RBFOX1: variants seen among roughly 807,000 people sequenced by gnomAD.
The protein encoded by RBFOX1 is RNA binding fox-1 homolog 1.
RBFOX1 carries 8 observed loss-of-function variants against 57.7 expected under a neutral mutation model. That is an observed-to-expected ratio of 0.14 (90% CI 0.08 to 0.25). The LOEUF (loss-of-function observed/expected upper bound fraction) is 0.25, where lower values mean the gene tolerates loss of function less well. Among genes scored for constraint, RBFOX1 ranks in the 10% least tolerant of loss-of-function variants. RBFOX1 has a pLI of 1.00. For missense variants in RBFOX1, 611 were observed against 548.5 expected (o/e 1.11, Z -1.14); for synonymous variants, 326 against 222.4 (o/e 1.47, Z -4.15).
At chr16:7,332,469 G>T (rs1020546530) in intron 4 of RBFOX1, among the ~76,000 whole-genome samples, 3 of 152,136 alleles carry the variant, frequency 2.0e-5, no homozygotes, top group African/African-American at 7.2e-5. Context: ...TTCTATCAGT[G>T]CCAAACGTTG....
At chr16:6,657,324 G>A (rs1286260892) in intron 3 of RBFOX1, among the ~76,000 whole-genome samples, 1 of 152,126 alleles carries the variant, frequency 6.6e-6, no homozygotes, top group African/African-American at 2.4e-5. Context: ...GAGATTGGGA[G>A]TGAGGTTTTA....
intron 1 of RBFOX1, among the ~76,000 whole-genome samples, chr16:5,271,114 C>G (rs2062994170): frequency 6.6e-6 from 1 of 152,038 alleles, no homozygotes; most frequent in South Asian, 2.1e-4. Flanking sequence ...ACCTGGGAGA[C>G]AGAGGTTGCA....
intron 4 of RBFOX1, among the ~76,000 whole-genome samples, chr16:7,189,552 AAAAC>A (rs1222654954): frequency 2.5e-5 from 2 of 78,648 alleles, no homozygotes; most frequent in South Asian, 8.5e-4. Flanking sequence ...TATGTCCCCC[AAAAC>A]ACACACACAC....
At chr16:6,565,213 C>G (rs2097244537) in intron 2 of RBFOX1, among the ~76,000 whole-genome samples, 1 of 149,294 alleles carries the variant, frequency 6.7e-6, no homozygotes, top group African/African-American at 2.4e-5. Context: ...AGACAAAGTA[C>G]AAATAGCCAT....
chr16:6,953,863 C>A (rs888501479), intron 3 of RBFOX1, among the ~76,000 whole-genome samples: 2 of 152,140 alleles, frequency 1.3e-5, no homozygotes, highest in African/African-American at 4.8e-5. Context: ...TCTCTTTGCC[C>A]ATTGGCGGCC....
intron 3 of RBFOX1, among the ~76,000 whole-genome samples, chr16:5,641,766 G>A (rs1394909338): frequency 2.0e-5 from 3 of 152,192 alleles, no homozygotes; most frequent in South Asian, 2.1e-4. Flanking sequence ...TCAGTTCTTG[G>A]AGAGCCATGA....
intron 1 of RBFOX1, among the ~76,000 whole-genome samples, chr16:6,279,459 C>CTG (rs1378603789): frequency 6.6e-6 from 1 of 152,160 alleles, no homozygotes; most frequent in African/African-American, 2.4e-5. Context: ...GAAGAGTGCC[C>CTG]TGTTGCCTTG....
chr16:6,963,430 A>G (rs575729568), intron 3 of RBFOX1, among the ~76,000 whole-genome samples: 1 of 152,286 alleles, frequency 6.6e-6, no homozygotes, highest in African/African-American at 2.4e-5. Flanking sequence ...CTTCTACCAA[A>G]TGGTTGGTGA....
Position 5,347,792 on chromosome 16 carries a change from G to A in RBFOX1, c.219+107687G>A, listed in dbSNP as rs149329987. 3.6e-3 allele frequency among the ~76,000 whole-genome samples: 322 copies of A among 88,916 alleles called. 2 individuals carry two copies. The highest frequency in any genetic ancestry group is 0.013 in the African/African-American group (284 of 21,196). The allele number at this position is 88,916 out of a possible 152,430, so 58.3% of individuals were successfully genotyped here. A position where few individuals can be genotyped will look rare whatever the true frequency, so the allele number is the denominator to read the frequency against. ...CTTCCACCCACCCATTGGTCTATCC[G>A]CCCACCCTTCCACTTAATCATGCAC... is the stretch of plus-strand genomic sequence containing the variant. On this transcript the variant is annotated intron_variant, in intron 1 of 2. Transcript: ENST00000585867.
intron 5 of RBFOX1, among the ~76,000 whole-genome samples, chr16:7,541,242 C>T (rs1297107652): frequency 6.6e-6 from 1 of 152,226 alleles, no homozygotes; most frequent in African/African-American, 2.4e-5. Context: ...AGCAAAATTG[C>T]ACAAGGTGCA....
chr16:6,768,493 C>T (rs1269674249), intron 3 of RBFOX1, among the ~76,000 whole-genome samples: 1 of 151,814 alleles, frequency 6.6e-6, no homozygotes, highest in Non-Finnish European at 1.5e-5. Flanking sequence ...TACTTCCCTT[C>T]CCAGAGAAAA....
intron 4 of RBFOX1, among the ~76,000 whole-genome samples, chr16:7,243,054 T>G (rs947757840): frequency 7.9e-5 from 12 of 152,204 alleles, no homozygotes; most frequent in African/African-American, 2.9e-4. Context: ...AAATTGGTAA[T>G]ATAATAATAT....
intron 2 of RBFOX1, among the ~76,000 whole-genome samples, chr16:6,370,797 T>A (rs1335735456): frequency 6.6e-6 from 1 of 152,254 alleles, no homozygotes; most frequent in Non-Finnish European, 1.5e-5. Flanking sequence ...TTAATGCCAC[T>A]TAATTGAATA....
intron 1 of RBFOX1, among the ~76,000 whole-genome samples, chr16:6,040,269 A>G (rs535832946): frequency 7.2e-5 from 11 of 152,346 alleles, no homozygotes; most frequent in African/African-American, 2.6e-4. Context: ...GAATACATTC[A>G]TATTGTTGCG....
At chr16:5,994,441 C>T (rs1222202777) in intron 4 of RBFOX1, among the ~76,000 whole-genome samples, 1 of 152,220 alleles carries the variant, frequency 6.6e-6, no homozygotes, top group Non-Finnish European at 1.5e-5. Context: ...GGATTACAAG[C>T]ATGAGCCACC....
At position 7,331,054 on chromosome 16, in the gene RBFOX1, A is replaced by C. The variant is rs182888450; in HGVS notation, c.28-187093A>C. Among the ~76,000 whole-genome samples, 8 of 152,302 alleles carry C rather than the reference A, an allele frequency of 5.3e-5. No individual in the cohort carries two copies. The East Asian group carries it at 1.5e-3, about 29-fold the overall frequency. On this transcript the variant is annotated intron_variant, in intron 4 of 15. Transcript: ENST00000550418. ...TGATGCATGAGAATCAATTACAGAG[A>C]AACCTTGTCAAGATGGCCAAAATTC...
intron 4 of RBFOX1, among the ~76,000 whole-genome samples, chr16:7,126,095 GAATAAAA>G (rs2068467963): frequency 6.6e-6 from 1 of 151,970 alleles, no homozygotes; most frequent in African/African-American, 2.4e-5. Flanking sequence ...CCCACCAAAA[GAATAAAA>G]AATAAAAAAG....
In RBFOX1 at chr16:6,078,486, C is replaced by T. The variant is rs529134767; in HGVS notation, c.-127+58494C>T. On this transcript the variant is annotated intron_variant, in intron 1 of 15. Coordinates refer to ENST00000550418, the MANE Select transcript of RBFOX1 (RefSeq NM_018723.4). ...TGACCTGAGACACTTCTTCTTCCGC[C>T]GTGGCTCAGGGAAGCCAAAAGACTG... is the stretch of plus-strand genomic sequence containing the variant. 9.9e-5 allele frequency among the ~76,000 whole-genome samples: 15 copies of T among 152,190 alleles called. No homozygotes were observed. In the South Asian group the frequency reaches 1.0e-3, roughly 11 times the overall value.
intron 3 of RBFOX1, among the ~76,000 whole-genome samples, chr16:5,715,504 T>G (rs1189745743): frequency 1.3e-5 from 2 of 152,260 alleles, no homozygotes; most frequent in Admixed American, 6.5e-5. Flanking sequence ...TTAAGATGTA[T>G]TATGCTTCTC....
Sources: gnomAD v4.1 joint callset for allele counts (sites outside exome capture counted in the v4.1 genomes callset) on GRCh38, gnomAD v4.1.1 for gene constraint, MANE v1.5 for transcripts, NCBI Gene and HGNC (gene_info 2026-07-23, HGNC 2026-07-21) for gene names.